The following ITGB6 variants were observed in gnomAD, a reference collection of about 807,000 sequenced individuals.
ITGB6 encodes the protein integrin subunit beta 6.
In ITGB6, 80 loss-of-function variants were observed where a neutral mutation model predicts 84.5. That is an observed-to-expected ratio of 0.95 (90% CI 0.79 to 1.14). The LOEUF is 1.14. ITGB6 is among the 50% of genes most tolerant of loss of function. ITGB6 has a pLI of 0.00. For missense variants in ITGB6, 1,006 were observed against 968.0 expected, an observed-to-expected ratio of 1.04 and a Z score of -0.52; for synonymous variants, 383 against 354.9, an observed-to-expected ratio of 1.08 and a Z score of -0.89.
chr2:160,158,778 C>T (rs148964130), intron 7 of ITGB6, among the ~76,000 whole-genome samples: 2 of 152,270 alleles, frequency 1.3e-5, no homozygotes, highest in Non-Finnish European at 2.9e-5. Context: ...GGACTGACAG[C>T]AGCAACATCA....
Position 160,112,071 on chromosome 2 carries a change from A to G in ITGB6, c.2101+9T>C. 6.2e-7 allele frequency: 1 copy of G among 1,611,436 alleles called. No individual in the cohort carries two copies. The highest frequency in any genetic ancestry group is 8.5e-7 in the Non-Finnish European group (1 of 1,179,488). ...ATTTGCCATCGGCAATGGAAGGCAAAACACCCACCTTTTTCATTGATGCTG... is the reference window on the plus strand; with the variant it reads ...ATTTGCCATCGGCAATGGAAGGCAAGACACCCACCTTTTTCATTGATGCTG... On this transcript the variant is annotated intron_variant, in intron 13 of 14. Transcript: ENST00000283249.
Position 160,183,264 on chromosome 2 carries a change from G to A in ITGB6, c.594-9125C>T, listed in dbSNP as rs1160991485. Among the ~76,000 whole-genome samples the A allele has an allele frequency of 2.6e-5, 4 of 152,016 alleles. No homozygotes were observed. The East Asian group carries it at 5.8e-4, about 22-fold the overall frequency. On this transcript the variant is annotated intron_variant, in intron 4 of 14. Transcript: ENST00000283249. ...AGACACATGTCACGTACAAAGACAC[G>A]CATGGGCTCAAAATAAAGGGATGGA...
chr2:160,170,004 T>C (rs1685144171), intron 6 of ITGB6, among the ~76,000 whole-genome samples: 1 of 152,248 alleles, frequency 6.6e-6, no homozygotes, highest in Non-Finnish European at 1.5e-5. Flanking sequence ...GACTTTACTT[T>C]TCAAGTTTGG....
chr2:160,124,950 G>C (rs151313018), intron 11 of ITGB6, among the ~76,000 whole-genome samples: 1 of 152,326 alleles, frequency 6.6e-6, no homozygotes, highest in African/African-American at 2.4e-5. Flanking sequence ...GAGTGGTTTT[G>C]AAGGGGTCTG....
intron 10 of ITGB6, among the ~76,000 whole-genome samples, chr2:160,127,007 G>A (rs1162386030): frequency 6.6e-6 from 1 of 152,120 alleles, no homozygotes; most frequent in Non-Finnish European, 1.5e-5. Flanking sequence ...TGGAATTCAG[G>A]CACAGCTGAC....
intron 12 of ITGB6, among the ~76,000 whole-genome samples, chr2:160,115,103 C>A (rs1018362439): frequency 6.6e-6 from 1 of 152,242 alleles, no homozygotes; most frequent in African/African-American, 2.4e-5. Flanking sequence ...CAGCAGTAAC[C>A]TCTGCAGACT....
intron 7 of ITGB6, among the ~76,000 whole-genome samples, chr2:160,156,471 C>A (rs1202188375): frequency 6.6e-6 from 1 of 152,162 alleles, no homozygotes; most frequent in Non-Finnish European, 1.5e-5. Context: ...GTTATAGCCT[C>A]GGGATAGTGG....
At chr2:160,175,178 C>T (rs550821472) in intron 4 of ITGB6, among the ~76,000 whole-genome samples, 1 of 152,320 alleles carries the variant, frequency 6.6e-6, no homozygotes, top group South Asian at 2.1e-4. Flanking sequence ...TCTACAGGTC[C>T]AGTAGCTTAC....
intron 1 of ITGB6, 107 bp downstream of exon 1, chr2:160,199,896 A>G: frequency 1.2e-6 from 1 of 848,848 alleles, no homozygotes; most frequent in Non-Finnish European, 1.9e-6. Flanking sequence ...ACAAAAGAGC[A>G]ATGGAACAGA....
intron 4 of ITGB6, among the ~76,000 whole-genome samples, chr2:160,184,043 G>A (rs192237930): frequency 1.3e-5 from 2 of 152,054 alleles, no homozygotes; most frequent in South Asian, 2.1e-4. Context: ...ATCTAACATC[G>A]ACACCCTAAC....
intron 7 of ITGB6, among the ~76,000 whole-genome samples, chr2:160,144,288 A>G (rs1335923319): frequency 1.3e-5 from 2 of 152,228 alleles, no homozygotes; most frequent in East Asian, 3.9e-4. Context: ...AATCCAGGTA[A>G]CAGTCCTTAC....
In ITGB6 at chr2:160,116,940, G is replaced by A. The variant is rs1262359680; in HGVS notation, c.1982-4741C>T. ...GAAGGCCATTACATAATGGTAAAGG[G>A]ATCAATTCAACAAGAAGAGCTAACT... On this transcript the variant is annotated intron_variant, in intron 12 of 14. Transcript: ENST00000283249. Among the ~76,000 whole-genome samples, 5 of 151,472 alleles carry A rather than the reference G, an allele frequency of 3.3e-5. No homozygotes were observed. The East Asian group carries it at 9.7e-4, about 29-fold the overall frequency.
chr2:160,117,944 A>C (rs1682858408), intron 12 of ITGB6, among the ~76,000 whole-genome samples: 1 of 152,216 alleles, frequency 6.6e-6, no homozygotes, highest in Non-Finnish European at 1.5e-5. Flanking sequence ...TGACACATAC[A>C]TCCTCCCAAG....
rs1696664106 is a variant in ITGB6, at chr2:160,100,259, A to ACT, written c.*1475_*1476dup. 1 of 152,222 alleles carries ACT rather than the reference A, an allele frequency of 6.6e-6. No homozygotes were observed. Among genetic ancestry groups the ACT allele is most frequent in the African/African-American group, 2.4e-5 (1 of 41,450 alleles). The allele number at this position is 152,222 out of a possible 1,614,324, so 9.4% of individuals were successfully genotyped here. On this transcript the variant is annotated 3_prime_UTR_variant, in exon 15 of 15. Transcript: ENST00000283249. The stretch of plus-strand genomic sequence containing the variant: ...CCACGAAGCCTCCACTACATAATGA[A>ACT]CTATTCACCTAGTAAAAGCTTCACA...
intron 12 of ITGB6, among the ~76,000 whole-genome samples, chr2:160,112,608 C>T (rs1385058798): frequency 6.6e-6 from 1 of 152,088 alleles, no homozygotes; most frequent in Non-Finnish European, 1.5e-5. Context: ...GATACTGATA[C>T]TTTTAAAGGG....
At chr2:160,175,155 C>A (rs529089726) in intron 4 of ITGB6, among the ~76,000 whole-genome samples, 1 of 152,180 alleles carries the variant, frequency 6.6e-6, no homozygotes, top group South Asian at 2.1e-4. Flanking sequence ...ACATGTGGGG[C>A]CTGGGCCTTG....
chr2:160,149,722 A>G (rs1684337577), intron 7 of ITGB6, among the ~76,000 whole-genome samples: 1 of 152,164 alleles, frequency 6.6e-6, no homozygotes, highest in Non-Finnish European at 1.5e-5. Context: ...AAGATTGGAC[A>G]AATGGCTAAC....
At chr2:160,196,667 C>T (rs1293194930) in intron 2 of ITGB6, among the ~76,000 whole-genome samples, 1 of 151,986 alleles carries the variant, frequency 6.6e-6, no homozygotes, top group East Asian at 1.9e-4. Context: ...ATTGAATTCA[C>T]GTAACAATTG....
In ITGB6 at chr2:160,139,522, G is replaced by A. The variant is rs188610997; in HGVS notation, c.1108-1323C>T. Among the ~76,000 whole-genome samples, 3 of 152,248 alleles carry A rather than the reference G, an allele frequency of 2.0e-5. No homozygotes were observed. In the East Asian group the frequency reaches 5.8e-4, roughly 29 times the overall value. Reference sequence around the variant, plus strand: ...TAAAATAGAAGCAATGTTGGAGATAGAGTCAGGAGCTAAATAAAAATTAAG... The same window carrying A: ...TAAAATAGAAGCAATGTTGGAGATAAAGTCAGGAGCTAAATAAAAATTAAG... On this transcript the variant is annotated intron_variant, in intron 8 of 14. Transcript: ENST00000283249.
Sources: allele counts gnomAD v4.1 joint callset (sites outside exome capture counted in the v4.1 genomes callset), GRCh38; gene constraint gnomAD v4.1.1; transcripts MANE v1.5; gene names NCBI Gene and HGNC (gene_info 2026-07-23, HGNC 2026-07-21).